Variants in EIF4G3 observed in about 807,000 individuals in gnomAD.
EIF4G3 encodes eIF-4-gamma 3.
EIF4G3 carries 34 observed loss-of-function variants against 186.4 expected under a neutral mutation model. That is an observed-to-expected ratio of 0.18 (90% CI 0.14 to 0.24). The LOEUF is 0.24. Ranked by LOEUF, EIF4G3 falls within the 10% of genes least tolerant of loss-of-function variation. The pLI is 1.00. For synonymous variants in EIF4G3, 673 were observed against 679.5 expected, an observed-to-expected ratio of 0.99 and a Z score of 0.15; for missense variants, 1,536 against 1,948.5, an observed-to-expected ratio of 0.79 and a Z score of 3.99.
intron 2 of EIF4G3, among the ~76,000 whole-genome samples, chr1:21,119,119 T>C (rs16825021): frequency 0.029 from 4,390 of 152,144 alleles, 136 homozygotes; most frequent in East Asian, 0.14. Context: ...GTAAGACAAA[T>C]TAGATTGCAA....
intron 2 of EIF4G3, among the ~76,000 whole-genome samples, chr1:21,098,849 C>T (rs1011628961): frequency 2.0e-5 from 3 of 152,090 alleles, no homozygotes; most frequent in African/African-American, 7.2e-5. Context: ...GTTGCCCAGG[C>T]TGGTCCCAAA....
chr1:20,982,287 A>G, intron 8 of EIF4G3, 101 bp downstream of exon 8: 1 of 836,348 alleles, frequency 1.2e-6, no homozygotes. Context: ...ACCAATAGTA[A>G]ATTTCCAATG....
At chr1:20,981,471 C>T (rs779387787) in intron 8 of EIF4G3, among the ~76,000 whole-genome samples, 9 of 151,484 alleles carry the variant, frequency 5.9e-5, no homozygotes, top group Admixed American at 2.0e-4. Context: ...TGTATATATA[C>T]GTATGTATAT....
chr1:21,126,287 T>A (rs998582647), intron 2 of EIF4G3, among the ~76,000 whole-genome samples: 15 of 151,078 alleles, frequency 9.9e-5, no homozygotes, highest in African/African-American at 2.9e-4. Flanking sequence ...AGACTAAGAT[T>A]TGAACCTATG....
chr1:21,146,635 T>A (rs1182868387), intron 2 of EIF4G3, among the ~76,000 whole-genome samples: 1 of 151,830 alleles, frequency 6.6e-6, no homozygotes. Flanking sequence ...TGGCCACCTG[T>A]AATCCCAGCT....
chr1:20,817,437 A>G lies in EIF4G3; in HGVS notation c.4470T>C (p.Ile1490=). 6.2e-7 allele frequency: 1 copy of G among 1,609,730 alleles called. No homozygotes were observed. The highest frequency in any genetic ancestry group is 1.7e-5 in the Admixed American group (1 of 59,948). ...GTTCATCATTCGCTTTGTCCTCAAT[A>G]ATGAGTTTCTCGAGTCGCTTATACA... ...EELYKRLEKL[I]IEDKANDEQI... Residue 1490 remains isoleucine (I), a synonymous_variant, in exon 34 of 37, where the codon ATT becomes ATC. Transcript: ENST00000602326.
intron 29 of EIF4G3, among the ~76,000 whole-genome samples, chr1:20,846,996 A>G (rs1280118908): frequency 6.6e-6 from 1 of 152,238 alleles, no homozygotes; most frequent in Non-Finnish European, 1.5e-5. Flanking sequence ...AATATTTTTA[A>G]GATCAGCTCT....
At chr1:21,011,427 G>A (rs761623690) in intron 4 of EIF4G3, among the ~76,000 whole-genome samples, 24 of 152,034 alleles carry the variant, frequency 1.6e-4, no homozygotes, top group Non-Finnish European at 3.4e-4. Flanking sequence ...TTCCCTAATG[G>A]TAATATCTAA....
chr1:20,809,545 G>A (rs985633415), intron 36 of EIF4G3, among the ~76,000 whole-genome samples: 1 of 152,172 alleles, frequency 6.6e-6, no homozygotes, highest in Admixed American at 6.6e-5. Flanking sequence ...AAGTGTACAG[G>A]TTACTTTGTT....
chr1:20,985,470 C>T (rs1056656362), intron 7 of EIF4G3, among the ~76,000 whole-genome samples: 1 of 150,706 alleles, frequency 6.6e-6, no homozygotes, highest in Non-Finnish European at 1.5e-5. Flanking sequence ...CACACACACA[C>T]GTGCACCAGA....
chr1:21,079,206 CT>C (rs1317748337), intron 3 of EIF4G3, among the ~76,000 whole-genome samples: 1 of 152,138 alleles, frequency 6.6e-6, no homozygotes, highest in African/African-American at 2.4e-5. Context: ...CCAAGCTAAA[CT>C]TTTGTCTCTG....
intron 28 of EIF4G3, among the ~76,000 whole-genome samples, chr1:20,850,959 G>A (rs1480437014): frequency 6.6e-6 from 1 of 152,146 alleles, no homozygotes; most frequent in Non-Finnish European, 1.5e-5. Flanking sequence ...TAACAGCAAC[G>A]TCAAGTGTGG....
chr1:20,917,827 C>A (rs116586416), intron 14 of EIF4G3, among the ~76,000 whole-genome samples: 1 of 152,078 alleles, frequency 6.6e-6, no homozygotes, highest in South Asian at 2.1e-4. Flanking sequence ...AAAATATTAG[C>A]ATTTCCATAT....
At chr1:21,052,558 C>T (rs1351811533) in intron 3 of EIF4G3, among the ~76,000 whole-genome samples, 1 of 148,476 alleles carries the variant, frequency 6.7e-6, no homozygotes, top group African/African-American at 2.5e-5. Context: ...CCCTCTCCCT[C>T]CTCTCCCTCT....
At chr1:21,015,115 C>G (rs2088546499) in intron 4 of EIF4G3, among the ~76,000 whole-genome samples, 2 of 149,740 alleles carry the variant, frequency 1.3e-5, no homozygotes, top group African/African-American at 4.9e-5. Context: ...AATTCTGGAG[C>G]TGAAAAAATA....
intron 19 of EIF4G3, among the ~76,000 whole-genome samples, chr1:20,881,689 A>C (rs2082368299): frequency 6.6e-6 from 1 of 152,008 alleles, no homozygotes; most frequent in African/African-American, 2.4e-5. Flanking sequence ...TGGGAGGTTT[A>C]GGAGGGAGGA....
chr1:20,857,544 T>C, intron 24 of EIF4G3, 47 bp from the exon 25 acceptor site: 1 of 1,481,270 alleles, frequency 6.8e-7, no homozygotes, highest in Non-Finnish European at 9.4e-7. Context: ...TCAAGTCAGT[T>C]TTACATTGAA....
chr1:20,997,754 A>G, intron 6 of EIF4G3, 121 bp from the exon 7 acceptor site: 1 of 716,350 alleles, frequency 1.4e-6, no homozygotes, highest in Non-Finnish European at 2.3e-6. Context: ...GGGGAAATAA[A>G]AAACAACACA....
intron 3 of EIF4G3, among the ~76,000 whole-genome samples, chr1:21,074,552 C>T (rs1014848948): frequency 1.3e-5 from 2 of 152,048 alleles, no homozygotes; most frequent in African/African-American, 4.8e-5. Context: ...AATTTATATA[C>T]ATAAATCTTC....
Sources: allele counts gnomAD v4.1 joint callset (sites outside exome capture counted in the v4.1 genomes callset), GRCh38; gene constraint gnomAD v4.1.1; transcripts MANE v1.5; gene names NCBI Gene and HGNC (gene_info 2026-07-23, HGNC 2026-07-21).